Variants in NEGR1 observed in about 807,000 individuals in gnomAD.
NEGR1 encodes the protein neuronal growth regulator 1, also known as IgLON family member 4.
NEGR1 carries 10 observed loss-of-function variants against 40.9 expected under a neutral mutation model. The observed-to-expected ratio is 0.24, with a 90% CI of 0.15 to 0.42. NEGR1 has a LOEUF of 0.42. NEGR1 is among the 10% of genes least tolerant of loss of function. The pLI is 1.00. For missense variants in NEGR1, 352 were observed against 438.9 expected (o/e 0.80, Z 1.77); for synonymous variants, 185 against 166.8 (o/e 1.11, Z -0.84).
At chr1:71,424,386 T>G (rs919119830) in intron 6 of NEGR1, among the ~76,000 whole-genome samples, 1 of 152,198 alleles carries the variant, frequency 6.6e-6, no homozygotes, top group Non-Finnish European at 1.5e-5. Flanking sequence ...GTGCACAGAA[T>G]TACCTCAGTG....
intron 1 of NEGR1, among the ~76,000 whole-genome samples, chr1:71,975,902 T>C (rs1013666659): frequency 2.6e-5 from 4 of 152,232 alleles, no homozygotes; most frequent in Non-Finnish European, 4.4e-5. Context: ...GAGACTGTCA[T>C]TGAATTCAAG....
chr1:71,935,083 C>T lies in NEGR1; in HGVS notation c.405G>A (p.Val135=). 6.3e-7 allele frequency: 1 copy of T among 1,588,688 alleles called. No individual in the cohort carries two copies. The highest frequency in any genetic ancestry group is 8.6e-7 in the Non-Finnish European group (1 of 1,156,956). The change falls in exon 2 of 7, where the codon GTG becomes GTA. Residue 135 remains valine (V), a synonymous_variant. Coordinates refer to ENST00000357731, the MANE Select transcript of NEGR1 (RefSeq NM_173808.3). ...AGCAGTTCTGAAAATACATACCTTG[C>T]ACAGTTAGATGCACCTGCATTGTTC... The part of the protein sequence containing the change: ...TPRTMQVHLT[V]QVPPKIYDIS...
At chr1:72,196,307 TA>T (rs1272868730) in intron 1 of NEGR1, among the ~76,000 whole-genome samples, 1 of 151,976 alleles carries the variant, frequency 6.6e-6, no homozygotes, top group African/African-American at 2.4e-5. Flanking sequence ...AAACTCTAAA[TA>T]AAAAACATTT....
intron 1 of NEGR1, among the ~76,000 whole-genome samples, chr1:72,103,932 A>C (rs1006050625): frequency 3.3e-5 from 5 of 152,130 alleles, no homozygotes; most frequent in African/African-American, 1.2e-4. Flanking sequence ...AGAAGATCTG[A>C]AGGATTACAA....
At chr1:71,825,028 T>C (rs1658568388) in intron 2 of NEGR1, among the ~76,000 whole-genome samples, 1 of 151,862 alleles carries the variant, frequency 6.6e-6, no homozygotes, top group South Asian at 2.1e-4. Flanking sequence ...GTGTGGAATT[T>C]CTAGGTCATA....
At chr1:71,642,729 T>C (rs192558792) in intron 4 of NEGR1, among the ~76,000 whole-genome samples, 13 of 152,156 alleles carry the variant, frequency 8.5e-5, no homozygotes, top group African/African-American at 3.1e-4. Flanking sequence ...ACTAATCAAG[T>C]AACATGGTCT....
intron 1 of NEGR1, among the ~76,000 whole-genome samples, chr1:72,259,665 A>G (rs1459930989): frequency 1.3e-5 from 2 of 152,082 alleles, no homozygotes; most frequent in African/African-American, 4.8e-5. Context: ...CTATTATGGA[A>G]AGGGAGCTTA....
intron 2 of NEGR1, among the ~76,000 whole-genome samples, chr1:71,821,832 G>T (rs1658438798): frequency 6.6e-6 from 1 of 151,908 alleles, no homozygotes; most frequent in African/African-American, 2.4e-5. Context: ...AATTACACAA[G>T]AAAGAGATAC....
chr1:72,096,567 AT>A (rs1352240743), intron 1 of NEGR1, among the ~76,000 whole-genome samples: 1 of 152,086 alleles, frequency 6.6e-6, no homozygotes, highest in Non-Finnish European at 1.5e-5. Context: ...ACTTTCATAC[AT>A]TTTTATAGCT....
At chr1:72,267,710 A>G (rs1331707157) in intron 1 of NEGR1, among the ~76,000 whole-genome samples, 2 of 151,308 alleles carry the variant, frequency 1.3e-5, no homozygotes, top group African/African-American at 4.8e-5. Flanking sequence ...AATTAAAAAT[A>G]TCGTTTGCTT....
intron 2 of NEGR1, among the ~76,000 whole-genome samples, chr1:71,927,220 G>A (rs1645782715): frequency 6.6e-6 from 1 of 152,148 alleles, no homozygotes; most frequent in African/African-American, 2.4e-5. Flanking sequence ...AGAAGGGATT[G>A]TGTGAAAAGA....
At chr1:72,269,578 C>T (rs562136992) in intron 1 of NEGR1, among the ~76,000 whole-genome samples, 89 of 151,762 alleles carry the variant, frequency 5.9e-4, no homozygotes, top group African/African-American at 2.1e-3. Flanking sequence ...AATTACTCAG[C>T]TTCTATGAGG....
At chr1:71,721,179 T>G (rs999296275) in intron 3 of NEGR1, among the ~76,000 whole-genome samples, 3 of 152,150 alleles carry the variant, frequency 2.0e-5, no homozygotes, top group Non-Finnish European at 4.4e-5. Flanking sequence ...CCACCTACCC[T>G]GAAAATTTCT....
intron 1 of NEGR1, among the ~76,000 whole-genome samples, chr1:72,085,804 T>C (rs1254731151): frequency 2.6e-5 from 4 of 151,670 alleles, no homozygotes; most frequent in Admixed American, 6.6e-5. Flanking sequence ...ACCCTGTCTC[T>C]ACTAAAAATA....
intron 2 of NEGR1, among the ~76,000 whole-genome samples, chr1:71,809,444 T>C (rs1022686279): frequency 2.6e-5 from 4 of 152,170 alleles, no homozygotes; most frequent in Admixed American, 2.6e-4. Flanking sequence ...AAATTATTTC[T>C]TGTGTGTCAT....
At chr1:71,790,362 G>A (rs1304396821) in intron 2 of NEGR1, among the ~76,000 whole-genome samples, 1 of 152,056 alleles carries the variant, frequency 6.6e-6, no homozygotes, top group Non-Finnish European at 1.5e-5. Flanking sequence ...CACATTTAAT[G>A]ATAAAACTAT....
At position 71,873,714 on chromosome 1, in the gene NEGR1, T is replaced by C. The variant is rs185498466; in HGVS notation, c.409+61365A>G. 2.4e-3 allele frequency among the ~76,000 whole-genome samples: 367 copies of C among 152,298 alleles called. 6 individuals carry two copies. The highest frequency in any genetic ancestry group is 0.023 in the Admixed American group (349 of 15,290). On this transcript the variant is annotated intron_variant, in intron 2 of 6. Transcript: ENST00000357731. ...TTCCAAATAAATGGAAAAACGTTAGTAGACTATGATGGGTAATGCCACCAG... is the reference window on the plus strand; with the variant it reads ...TTCCAAATAAATGGAAAAACGTTAGCAGACTATGATGGGTAATGCCACCAG...
At chr1:71,915,157 A>C (rs1021956676) in intron 2 of NEGR1, among the ~76,000 whole-genome samples, 1 of 152,166 alleles carries the variant, frequency 6.6e-6, no homozygotes, top group African/African-American at 2.4e-5. Context: ...AAAAATAAAA[A>C]GGTTAGCAAG....
intron 1 of NEGR1, among the ~76,000 whole-genome samples, chr1:72,165,603 TTCCTTCTCC>T (rs373440774): frequency 8.5e-5 from 13 of 152,156 alleles, no homozygotes; most frequent in African/African-American, 3.1e-4. Context: ...GCCATACTCT[TTCCTTCTCC>T]CTTCTCATTC....
Sources: gnomAD v4.1 joint callset for allele counts (sites outside exome capture counted in the v4.1 genomes callset) on GRCh38, gnomAD v4.1.1 for gene constraint, MANE v1.5 for transcripts, NCBI Gene and HGNC (gene_info 2026-07-23, HGNC 2026-07-21) for gene names.